The following DAPK1 variants were observed in gnomAD, a reference collection of about 807,000 sequenced individuals.
The protein encoded by DAPK1 is death-associated protein kinase 1.
In DAPK1, 56 loss-of-function variants were observed where a neutral mutation model predicts 144.9. The ratio of observed to expected loss-of-function variants is 0.39; its 90% CI spans 0.31 to 0.48. The LOEUF is 0.48. DAPK1 is among the 20% of genes least tolerant of loss of function. The pLI, the probability that DAPK1 is intolerant of heterozygous loss-of-function variation, is 0.95. For synonymous variants in DAPK1, 690 were observed against 749.0 expected (o/e 0.92, Z 1.29); for missense variants, 1,454 against 1,875.4 (o/e 0.78, Z 4.15).
At chr9:87,634,839 G>A (rs957614874) in intron 3 of DAPK1, among the ~76,000 whole-genome samples, 23 of 152,040 alleles carry the variant, frequency 1.5e-4, no homozygotes, top group African/African-American at 5.6e-4. Context: ...GTGACACCTC[G>A]GGAATGGGCT....
At position 87,706,969 on chromosome 9, in the gene DAPK1, A is replaced by G. The variant is rs1210657437; in HGVS notation, c.3898A>G (p.Ile1300Val). Residue 1300 changes from isoleucine (I) to valine (V), a missense_variant, in exon 26 of 26, where the codon ATC (isoleucine) becomes GTC (valine). Ile to Val is a conservative substitution (Grantham distance 29). Transcript: ENST00000408954. This position sits in a 1 kb window ranked among gnomAD's most constrained non-coding sequence, Gnocchi z 9.0. The part of the protein sequence containing the change: ...VYSQASLGMD[I>V]HASDLNLLTR... ...CTCACAGGCCAGCCTCGGCATGGAC[A>G]TCCATGCATCAGACCTGAACCTCCT... The G allele has an allele frequency of 5.6e-6, 9 of 1,612,996 alleles. No individual in the cohort carries two copies. Among genetic ancestry groups the G allele is most frequent in the Non-Finnish European group, 6.8e-6 (8 of 1,179,510 alleles).
rs62562129 is a variant in DAPK1 at position 87,534,628 on chromosome 9, G to A, written c.62+35489G>A. 1.9e-3 allele frequency among the ~76,000 whole-genome samples: 285 copies of A among 151,192 alleles called. 1 individual carries two copies. The highest frequency in any genetic ancestry group is 3.4e-3 in the Middle Eastern group (1 of 294). On this transcript the variant is annotated intron_variant, in intron 2 of 25. Transcript: ENST00000408954. ...GATACCCTTATTTTTAAAGTGTGAGGTGTCCTTTCTTGATTTCTTTTCTTT... is the reference window on the plus strand; with the variant it reads ...GATACCCTTATTTTTAAAGTGTGAGATGTCCTTTCTTGATTTCTTTTCTTT...
chr9:87,510,965 A>G (rs998637840), intron 2 of DAPK1, among the ~76,000 whole-genome samples: 1 of 152,208 alleles, frequency 6.6e-6, no homozygotes, highest in Non-Finnish European at 1.5e-5. Context: ...ACGCTATTTA[A>G]CAAGACAGAG....
At chr9:87,499,306 TC>T in intron 2 of DAPK1, 167 bp downstream of exon 2, 1 of 644,120 alleles carries the variant, frequency 1.6e-6, no homozygotes, top group Non-Finnish European at 2.8e-6. Context: ...AACCGCCTGA[TC>T]CAAGGGCCTG....
At chr9:87,683,382 C>T (rs1445743006) in intron 20 of DAPK1, among the ~76,000 whole-genome samples, 1 of 152,084 alleles carries the variant, frequency 6.6e-6, no homozygotes, top group Non-Finnish European at 1.5e-5. Context: ...CACCTGGCCT[C>T]CAGTGTGATT....
chr9:87,677,158 C>G (rs1242936799), intron 19 of DAPK1, among the ~76,000 whole-genome samples: 1 of 152,214 alleles, frequency 6.6e-6, no homozygotes, highest in Admixed American at 6.5e-5. Flanking sequence ...CCTGCTGCCT[C>G]CTCCCTCCTT....
At chr9:87,641,008 G>A (rs557904922) in intron 9 of DAPK1, among the ~76,000 whole-genome samples, 161 bp downstream of exon 9, 1 of 152,322 alleles carries the variant, frequency 6.6e-6, no homozygotes, top group East Asian at 1.9e-4. Flanking sequence ...AGGTTAGACT[G>A]TATACTAATG....
intron 3 of DAPK1, among the ~76,000 whole-genome samples, chr9:87,621,862 G>A (rs1415834460): frequency 6.6e-6 from 1 of 152,002 alleles, no homozygotes; most frequent in African/African-American, 2.4e-5. Flanking sequence ...TAGACCCTCA[G>A]CCTCTCATCA....
At chr9:87,506,251 C>A (rs1405365744) in intron 2 of DAPK1, among the ~76,000 whole-genome samples, 3 of 152,204 alleles carry the variant, frequency 2.0e-5, no homozygotes, top group Non-Finnish European at 4.4e-5. Context: ...TTTATTTCAG[C>A]ATCTGCATGG....
intron 2 of DAPK1, among the ~76,000 whole-genome samples, chr9:87,595,844 A>C (rs1828296543): frequency 6.6e-6 from 1 of 150,914 alleles, no homozygotes; most frequent in Admixed American, 6.6e-5. Flanking sequence ...CCCTCAGTAA[A>C]CTCTGCTTCT....
chr9:87,625,320 A>T (rs1829455564), intron 3 of DAPK1, among the ~76,000 whole-genome samples: 2 of 152,222 alleles, frequency 1.3e-5, no homozygotes, highest in Admixed American at 1.3e-4. Flanking sequence ...GGACACTGTA[A>T]GTCTATGGTG....
chr9:87,537,367 G>A (rs1016754978), intron 2 of DAPK1, among the ~76,000 whole-genome samples: 2 of 152,138 alleles, frequency 1.3e-5, no homozygotes, highest in African/African-American at 4.8e-5. Flanking sequence ...CAGTCAGCCA[G>A]CTCTGCTTGA....
At chr9:87,701,138 T>A (rs1431699780) in intron 24 of DAPK1, among the ~76,000 whole-genome samples, 2 of 152,178 alleles carry the variant, frequency 1.3e-5, no homozygotes, top group East Asian at 3.9e-4. Flanking sequence ...TAGAAGTAAA[T>A]CATAATATCT....
intron 2 of DAPK1, 127 bp downstream of exon 2, chr9:87,499,266 A>G (rs1021072257): frequency 8.0e-6 from 7 of 869,852 alleles, no homozygotes; most frequent in Middle Eastern, 4.4e-4. Flanking sequence ...TGCGCAAATC[A>G]TAGAGAAAAG....
At chr9:87,591,459 A>G (rs17053180) in intron 2 of DAPK1, among the ~76,000 whole-genome samples, 1,898 of 152,358 alleles carry the variant, frequency 0.012, 40 homozygotes, top group African/African-American at 0.043. Context: ...ATTTAAACAG[A>G]TAGGTAGTCA....
chr9:87,668,463 G>A lies in DAPK1; in HGVS notation c.1924-134G>A, dbSNP rs537513091. On this transcript the variant is annotated intron_variant, in intron 18 of 25. Transcript: ENST00000408954. ...CACAGCCAGAGAAACACACCGAGAC[G>A]TGCTCTTTGTCCACCTGGCTTGCTT... 2.0e-4 allele frequency: 145 copies of A among 708,292 alleles called. 1 individual carries two copies. The highest frequency in any genetic ancestry group is 5.6e-4 in the Admixed American group (28 of 50,158). The allele number at this position is 708,292 out of a possible 1,614,324, so 43.9% of individuals were successfully genotyped here.
chr9:87,565,754 C>T (rs11999096), intron 2 of DAPK1, among the ~76,000 whole-genome samples: 35,372 of 152,154 alleles, frequency 0.23, 4,645 homozygotes, highest in Non-Finnish European at 0.31. Context: ...CCTGTTTCCA[C>T]TGCTACTATC....
In DAPK1 at chr9:87,683,925, C is replaced by T. The variant is rs187018117; in HGVS notation, c.2224+2299C>T. On this transcript the variant is annotated intron_variant, in intron 20 of 25. Transcript: ENST00000408954. ...GCCCCCACAGTCAGTGCCGCCTGCC[C>T]CTGGTGGAGGAAGTGTGCGCTGGTG... Among the ~76,000 whole-genome samples the T allele has an allele frequency of 3.1e-3, 477 of 152,144 alleles. 2 individuals are homozygous for T. Among genetic ancestry groups the T allele is most frequent in the Middle Eastern group, 0.01 (3 of 294 alleles).
At chr9:87,684,543 A>C (rs1245965967) in intron 20 of DAPK1, among the ~76,000 whole-genome samples, 1 of 152,230 alleles carries the variant, frequency 6.6e-6, no homozygotes, top group Non-Finnish European at 1.5e-5. Context: ...CCCAGCCAGG[A>C]GACCGGACGG....
Sources: allele counts gnomAD v4.1 joint callset (sites outside exome capture counted in the v4.1 genomes callset), GRCh38; gene constraint gnomAD v4.1.1; non-coding constraint Gnocchi (gnomAD v3.1); transcripts MANE v1.5; gene names NCBI Gene and HGNC (gene_info 2026-07-23, HGNC 2026-07-21).